PLCL1: variants seen among roughly 807,000 people sequenced by gnomAD.
PLCL1 encodes the protein phospholipase C like 1 (inactive), also known as inactive phospholipase C-like protein 1.
PLCL1 carries 41 observed loss-of-function variants against 84.4 expected under a neutral mutation model. That is an observed-to-expected ratio of 0.49 (90% CI 0.38 to 0.63). The LOEUF is 0.63. Among genes scored for constraint, PLCL1 ranks in the 30% least tolerant of loss-of-function variants. The pLI is 0.00. For synonymous variants in PLCL1, 490 were observed against 488.3 expected, an observed-to-expected ratio of 1.00 and a Z score of -0.05; for missense variants, 1,206 against 1,367.8, an observed-to-expected ratio of 0.88 and a Z score of 1.87.
At chr2:197,817,375 CGTGT>C (rs146678783) in intron 1 of PLCL1, among the ~76,000 whole-genome samples, 3 of 150,966 alleles carry the variant, frequency 2.0e-5, no homozygotes, top group African/African-American at 4.9e-5. Context: ...TGCGTGTGCA[CGTGT>C]GTGTGTGTGT....
At chr2:197,964,857 C>G (rs1012544593) in intron 1 of PLCL1, among the ~76,000 whole-genome samples, 1 of 151,834 alleles carries the variant, frequency 6.6e-6, no homozygotes, top group African/African-American at 2.4e-5. Context: ...TGTTTTTTAT[C>G]TTTTATTCTA....
At chr2:197,921,118 C>T (rs1373869086) in intron 1 of PLCL1, among the ~76,000 whole-genome samples, 1 of 152,130 alleles carries the variant, frequency 6.6e-6, no homozygotes, top group Non-Finnish European at 1.5e-5. Context: ...GTACTAAATA[C>T]TGTAGGCAAT....
intron 1 of PLCL1, among the ~76,000 whole-genome samples, chr2:198,007,893 A>G (rs968403397): frequency 2.6e-5 from 4 of 152,160 alleles, no homozygotes; most frequent in Non-Finnish European, 5.9e-5. Flanking sequence ...GGGAGAGGGA[A>G]ATAAATATGC....
intron 1 of PLCL1, among the ~76,000 whole-genome samples, chr2:197,869,480 A>G (rs1470991197): frequency 6.6e-6 from 1 of 152,112 alleles, no homozygotes; most frequent in Non-Finnish European, 1.5e-5. Context: ...TGTGACTCTA[A>G]TAATACTATT....
At chr2:197,973,033 A>G (rs974552256) in intron 1 of PLCL1, among the ~76,000 whole-genome samples, 1 of 152,202 alleles carries the variant, frequency 6.6e-6, no homozygotes, top group Non-Finnish European at 1.5e-5. Context: ...CCTGGCAAGG[A>G]TAAACTACCC....
intron 2 of PLCL1, 23 bp from the exon 3 acceptor site, chr2:198,088,835 A>G: frequency 6.8e-7 from 1 of 1,465,940 alleles, no homozygotes; most frequent in Non-Finnish European, 9.6e-7. Context: ...CAGAAGTGTG[A>G]TTCCATGTTT....
chr2:198,039,732 C>G (rs1169598039), intron 1 of PLCL1, among the ~76,000 whole-genome samples: 1 of 152,110 alleles, frequency 6.6e-6, no homozygotes, highest in African/African-American at 2.4e-5. Flanking sequence ...GGAAGAGTAG[C>G]CATTTAAGTG....
intron 1 of PLCL1, among the ~76,000 whole-genome samples, chr2:198,014,501 T>G (rs1690945740): frequency 1.3e-5 from 2 of 152,128 alleles, no homozygotes; most frequent in African/African-American, 4.8e-5. Context: ...AAGAAGTAAT[T>G]AGTCCAGTGC....
intron 1 of PLCL1, among the ~76,000 whole-genome samples, chr2:198,046,874 C>T (rs1417956188): frequency 6.6e-6 from 1 of 152,068 alleles, no homozygotes; most frequent in Middle Eastern, 3.2e-3. Context: ...CCAAAACCTT[C>T]ATATATTCTG....
At position 197,936,152 on chromosome 2, in the gene PLCL1, T is replaced by C. The variant is rs1364670608; in HGVS notation, c.240+130813T>C. Reference sequence around the variant, plus strand: ...AAACACCCCCCCCCTCACATTTTCTTTATCCATTCATGCATTGATGGACAC... The same window carrying C: ...AAACACCCCCCCCCTCACATTTTCTCTATCCATTCATGCATTGATGGACAC... On this transcript the variant is annotated intron_variant, in intron 1 of 5. Coordinates refer to ENST00000428675, the MANE Select transcript of PLCL1 (RefSeq NM_006226.4). 2.2e-5 allele frequency among the ~76,000 whole-genome samples: 3 copies of C among 138,964 alleles called. No homozygotes were observed. In the East Asian group the frequency reaches 6.4e-4, roughly 30 times the overall value. 91.2% of individuals were successfully genotyped at this position (138,964 alleles called of 152,430 possible). A position where few individuals can be genotyped will look rare whatever the true frequency, so the allele number is the denominator to read the frequency against.
In PLCL1 at chr2:197,989,116, C is replaced by T. The variant is rs74348550; in HGVS notation, c.241-94642C>T. The stretch of plus-strand genomic sequence containing the variant: ...GTTTTTTGAATGAACCTACAAAATG[C>T]GTAAAACAAAATATTTGATGAAAAC... On this transcript the variant is annotated intron_variant, in intron 1 of 5. Coordinates refer to ENST00000428675, the MANE Select transcript of PLCL1 (RefSeq NM_006226.4). Among the ~76,000 whole-genome samples, 1,424 of 152,136 alleles carry T rather than the reference C, an allele frequency of 9.4e-3. 22 individuals are homozygous for T. The highest frequency in any genetic ancestry group is 0.032 in the African/African-American group (1,347 of 41,488).
chr2:197,816,398 T>A (rs1307524899), intron 1 of PLCL1, among the ~76,000 whole-genome samples: 1 of 152,212 alleles, frequency 6.6e-6, no homozygotes, highest in East Asian at 1.9e-4. Context: ...AGTGTAAACA[T>A]AACTTTTATA....
intron 1 of PLCL1, among the ~76,000 whole-genome samples, chr2:197,990,827 A>G (rs1195972215): frequency 6.6e-6 from 1 of 152,222 alleles, no homozygotes; most frequent in Non-Finnish European, 1.5e-5. Context: ...TTGATGACTT[A>G]AAGTTTAAGT....
chr2:197,907,648 C>T (rs1418731284), intron 1 of PLCL1, among the ~76,000 whole-genome samples: 1 of 152,158 alleles, frequency 6.6e-6, no homozygotes, highest in Non-Finnish European at 1.5e-5. Context: ...CACTGTGTTC[C>T]AGTATCTCTC....
At chr2:198,142,719 CT>C (rs1694417897) in intron 5 of PLCL1, among the ~76,000 whole-genome samples, 1 of 152,012 alleles carries the variant, frequency 6.6e-6, no homozygotes. Context: ...TTCTATTAGT[CT>C]TGTTGTCCCA....
Position 198,146,764 on chromosome 2 carries a change from T to G in PLCL1, c.3106-16T>G, listed in dbSNP as rs916727076. The stretch of plus-strand genomic sequence containing the variant: ...CATAACTGTCTTCTTTGATGCCTGT[T>G]TTTTTCTGTTTGTAGGGCCAAGGAG... On this transcript the variant is annotated splice_polypyrimidine_tract_variant and intron_variant, in intron 5 of 5. Coordinates refer to ENST00000428675, the MANE Select transcript of PLCL1 (RefSeq NM_006226.4). 6.2e-7 allele frequency: 1 copy of G among 1,604,432 alleles called. No homozygotes were observed. Among genetic ancestry groups the G allele is most frequent in the Non-Finnish European group, 8.5e-7 (1 of 1,174,366 alleles).
rs114234135 is a variant in PLCL1, at chr2:197,913,575, T to C, written c.240+108236T>C. On this transcript the variant is annotated intron_variant, in intron 1 of 5. Coordinates refer to ENST00000428675, the MANE Select transcript of PLCL1 (RefSeq NM_006226.4). ...AGGTTACAATAAAAGCAAGACTTGA[T>C]CAAATTTCATCATACATACAATGTT... 4.1e-3 allele frequency among the ~76,000 whole-genome samples: 626 copies of C among 152,344 alleles called. 4 individuals carry two copies. The highest frequency in any genetic ancestry group is 0.014 in the African/African-American group (581 of 41,578).
chr2:198,090,136 A>G (rs1308479800), intron 3 of PLCL1, among the ~76,000 whole-genome samples: 1 of 152,078 alleles, frequency 6.6e-6, no homozygotes. Flanking sequence ...AATTCAACAT[A>G]GAAAGATTAG....
At chr2:198,060,129 A>C (rs1692157042) in intron 1 of PLCL1, among the ~76,000 whole-genome samples, 1 of 152,150 alleles carries the variant, frequency 6.6e-6, no homozygotes, top group South Asian at 2.1e-4. Context: ...GGCTCTTCTC[A>C]CTTCTTTTTC....
Sources: allele counts gnomAD v4.1 joint callset (sites outside exome capture counted in the v4.1 genomes callset), GRCh38; gene constraint gnomAD v4.1.1; transcripts MANE v1.5; gene names NCBI Gene and HGNC (gene_info 2026-07-23, HGNC 2026-07-21).